Variants in PTPRM observed in about 807,000 individuals in gnomAD.
The protein encoded by PTPRM is protein tyrosine phosphatase receptor type M, also known as receptor-type tyrosine-protein phosphatase mu.
In PTPRM, 47 loss-of-function variants were observed where a neutral mutation model predicts 186.7. That is an observed-to-expected ratio of 0.25 (90% CI 0.20 to 0.32). The LOEUF is 0.32. Among genes scored for constraint, PTPRM ranks in the 10% least tolerant of loss-of-function variants. The probability of loss-of-function intolerance (pLI) is 1.00; values close to 1 mark genes in which losing one functional copy is unlikely to be tolerated. For synonymous variants in PTPRM, 668 were observed against 674.9 expected, an observed-to-expected ratio of 0.99 and a Z score of 0.16; for missense variants, 1,494 against 1,865.0, an observed-to-expected ratio of 0.80 and a Z score of 3.66.
chr18:7,974,820 A>G (rs1325964832), intron 7 of PTPRM, among the ~76,000 whole-genome samples: 2 of 152,236 alleles, frequency 1.3e-5, no homozygotes, highest in Non-Finnish European at 2.9e-5. Flanking sequence ...AAGGACCGAT[A>G]ATAACTAGCA....
intron 5 of PTPRM, among the ~76,000 whole-genome samples, chr18:7,941,005 C>G (rs376763056): frequency 6.6e-6 from 1 of 152,130 alleles, no homozygotes; most frequent in African/African-American, 2.4e-5. Context: ...CATTTTACTG[C>G]GAGGATTTCA....
intron 8 of PTPRM, among the ~76,000 whole-genome samples, chr18:8,074,573 C>T (rs2089687808): frequency 6.6e-6 from 1 of 152,140 alleles, no homozygotes; most frequent in African/African-American, 2.4e-5. Flanking sequence ...CACTTGTTAT[C>T]ATGTCTTTTC....
intron 13 of PTPRM, among the ~76,000 whole-genome samples, chr18:8,139,807 T>C (rs894156188): frequency 2.0e-5 from 3 of 152,062 alleles, no homozygotes; most frequent in Admixed American, 6.6e-5. Context: ...CCACTCCCCT[T>C]GATTTTTCTC....
chr18:7,996,495 AT>A (rs562824678), intron 7 of PTPRM, among the ~76,000 whole-genome samples: 88 of 152,230 alleles, frequency 5.8e-4, no homozygotes, highest in African/African-American at 1.6e-3. Flanking sequence ...AAGGAAGCCC[AT>A]TTTCACCACT....
intron 9 of PTPRM, among the ~76,000 whole-genome samples, chr18:8,078,817 A>G (rs1456556706): frequency 6.6e-6 from 1 of 152,148 alleles, no homozygotes; most frequent in African/African-American, 2.4e-5. Flanking sequence ...CGAGAGCAGG[A>G]GCAAGAGAGA....
intron 1 of PTPRM, among the ~76,000 whole-genome samples, chr18:7,597,057 G>A (rs908237716): frequency 2.6e-5 from 4 of 152,082 alleles, no homozygotes; most frequent in African/African-American, 7.2e-5. Flanking sequence ...GTTTTGCCAC[G>A]TTGGCTAGGC....
chr18:8,260,039 T>C (rs2094612461), intron 19 of PTPRM, among the ~76,000 whole-genome samples: 1 of 152,044 alleles, frequency 6.6e-6, no homozygotes, highest in Admixed American at 6.6e-5. Context: ...GGCTCGGTCA[T>C]TTGTAAAGAA....
chr18:8,258,101 G>A (rs2094591765), intron 19 of PTPRM, among the ~76,000 whole-genome samples: 1 of 152,210 alleles, frequency 6.6e-6, no homozygotes, highest in Non-Finnish European at 1.5e-5. Context: ...ATGCTGAATT[G>A]AACAGAAAAT....
chr18:7,868,322 T>G (rs2047815332), intron 2 of PTPRM, among the ~76,000 whole-genome samples: 3 of 152,214 alleles, frequency 2.0e-5, no homozygotes. Context: ...TCTCCCCATC[T>G]TCGTTGGTTT....
chr18:8,290,269 G>A (rs1161180306), intron 19 of PTPRM, among the ~76,000 whole-genome samples: 2 of 152,170 alleles, frequency 1.3e-5, no homozygotes, highest in East Asian at 3.9e-4. Flanking sequence ...TATGAGAAAG[G>A]GAGGAAAAAT....
At chr18:7,765,930 G>A (rs1343022313) in intron 1 of PTPRM, among the ~76,000 whole-genome samples, 1 of 152,186 alleles carries the variant, frequency 6.6e-6, no homozygotes, top group African/African-American at 2.4e-5. Context: ...ATGTTTGCTA[G>A]TGTATGTAAG....
At chr18:8,005,260 A>T (rs1177961858) in intron 7 of PTPRM, among the ~76,000 whole-genome samples, 1 of 152,204 alleles carries the variant, frequency 6.6e-6, no homozygotes, top group Non-Finnish European at 1.5e-5. Flanking sequence ...AAAATTCATA[A>T]ACCCTCTCAA....
intron 30 of PTPRM, among the ~76,000 whole-genome samples, chr18:8,386,758 T>C (rs1249530490): frequency 6.6e-6 from 1 of 152,228 alleles, no homozygotes; most frequent in Non-Finnish European, 1.5e-5. Context: ...ATTGAAGTTA[T>C]TTTACCACTT....
At chr18:8,335,485 G>A (rs905881762) in intron 22 of PTPRM, among the ~76,000 whole-genome samples, 10 of 152,126 alleles carry the variant, frequency 6.6e-5, no homozygotes, top group African/African-American at 2.4e-4. Context: ...GTTTGATATC[G>A]AAAACTTTCA....
chr18:8,401,069 A>T (rs926392546), intron 32 of PTPRM, among the ~76,000 whole-genome samples: 1 of 148,834 alleles, frequency 6.7e-6, no homozygotes, highest in Non-Finnish European at 1.5e-5. Context: ...CCACTTGCCC[A>T]TCCTGCCCCC....
chr18:8,154,962 G>A (rs755423273), intron 14 of PTPRM: 19 of 151,738 alleles, frequency 1.3e-4, no homozygotes, highest in Non-Finnish European at 1.8e-4. Flanking sequence ...TTTATTTTCC[G>A]TCCCACAAAT....
intron 14 of PTPRM, among the ~76,000 whole-genome samples, chr18:8,240,775 A>AGG (rs1350882881): frequency 4.9e-5 from 3 of 61,058 alleles, no homozygotes; most frequent in South Asian, 7.1e-4. Flanking sequence ...GGAGAGAGAG[A>AGG]GGGAGAGAGA....
chr18:8,368,889 A>G (rs1025905415), intron 23 of PTPRM, among the ~76,000 whole-genome samples: 1 of 152,216 alleles, frequency 6.6e-6, no homozygotes, highest in Admixed American at 6.5e-5. Context: ...AACACCCTTT[A>G]TGTGCTGGCC....
intron 2 of PTPRM, among the ~76,000 whole-genome samples, chr18:7,864,343 G>A (rs527462996): frequency 2.0e-5 from 3 of 152,318 alleles, no homozygotes; most frequent in Admixed American, 6.5e-5. Flanking sequence ...TTATGTTTAA[G>A]TTTTTAATCC....
Sources: gnomAD v4.1 joint callset for allele counts (sites outside exome capture counted in the v4.1 genomes callset) on GRCh38, gnomAD v4.1.1 for gene constraint, MANE v1.5 for transcripts, NCBI Gene and HGNC (gene_info 2026-07-23, HGNC 2026-07-21) for gene names.